PRKN: variants seen among roughly 807,000 people sequenced by gnomAD.
PRKN encodes E3 ubiquitin-protein ligase parkin.
A neutral mutation model predicts 59.5 loss-of-function variants in PRKN; 56 were observed. The ratio of observed to expected loss-of-function variants is 0.94; its 90% CI spans 0.76 to 1.18. The LOEUF is 1.18. Among genes scored for constraint, PRKN ranks in the 50% most tolerant of loss-of-function variants. The pLI is 0.00. For synonymous variants in PRKN, 250 were observed against 222.1 expected (o/e 1.13, Z -1.12); for missense variants, 657 against 596.4 (o/e 1.10, Z -1.06).
rs1441204980 is a variant in PRKN at position 161,393,543 on chromosome 6, T to C, written c.1084-6666A>G. ...GTCAGTGCAGTAGTCATTTGATTGA[T>C]GTTTGAGTTTGCTTTCCCATATTTC... On this transcript the variant is annotated intron_variant, in intron 9 of 11. Transcript: ENST00000366898. The surrounding 1 kb of genome is among the most constrained non-coding windows in gnomAD (Gnocchi z 4.7). Among the ~76,000 whole-genome samples, 1 of 152,124 alleles carries C rather than the reference T, an allele frequency of 6.6e-6. No individual in the cohort carries two copies.
chr6:161,563,996 T>C (rs1445858371), intron 8 of PRKN, among the ~76,000 whole-genome samples: 1 of 152,184 alleles, frequency 6.6e-6, no homozygotes, highest in African/African-American at 2.4e-5. Flanking sequence ...TGAGCTTCAC[T>C]CTCCCTTGTC....
Position 162,717,234 on chromosome 6 carries a change from T to C in PRKN, c.7+10428A>G, listed in dbSNP as rs188624378. 2.6e-5 allele frequency among the ~76,000 whole-genome samples: 4 copies of C among 152,218 alleles called. No homozygotes were observed. The East Asian group carries it at 7.8e-4, about 30-fold the overall frequency. On this transcript the variant is annotated intron_variant, in intron 1 of 11. Transcript: ENST00000366898. The stretch of plus-strand genomic sequence containing the variant: ...AAAGAGGAGTCTCCACAGGAGCTTC[T>C]ATTAATGGAAGGGGCTAGCCCAGCG...
chr6:162,720,514 A>G (rs1049075722), intron 1 of PRKN, among the ~76,000 whole-genome samples: 12 of 139,408 alleles, frequency 8.6e-5, no homozygotes, highest in African/African-American at 2.5e-4. Flanking sequence ...GCAGTGGCGC[A>G]ATCTCGGCTC....
chr6:161,833,122 G>A (rs1206997787), intron 6 of PRKN, among the ~76,000 whole-genome samples: 1 of 152,136 alleles, frequency 6.6e-6, no homozygotes, highest in African/African-American at 2.4e-5. Context: ...CCGGGAGGAA[G>A]GAGACGGAGC....
chr6:162,275,160 T>A (rs1780577105), intron 2 of PRKN: 1 of 152,032 alleles, frequency 6.6e-6, no homozygotes, highest in African/African-American at 2.4e-5. Flanking sequence ...TTGCTGGGAT[T>A]CCTGTAAGGG....
chr6:162,441,796 A>C (rs929357990), intron 2 of PRKN, among the ~76,000 whole-genome samples: 1 of 152,208 alleles, frequency 6.6e-6, no homozygotes, highest in Admixed American at 6.5e-5. Context: ...TATGTTTGCA[A>C]AGTCAATCAT....
At position 161,993,849 on chromosome 6, in the gene PRKN, T is replaced by C. The variant is rs111683562; in HGVS notation, c.619-20432A>G. Reference sequence around the variant, plus strand: ...CAGAAGGCAAAGGAGAAACAGCATGTGCAGAGATCATGTGACATGACAGAA... The same window carrying C: ...CAGAAGGCAAAGGAGAAACAGCATGCGCAGAGATCATGTGACATGACAGAA... On this transcript the variant is annotated intron_variant, in intron 5 of 11. Transcript: ENST00000366898. 3.9e-5 allele frequency among the ~76,000 whole-genome samples: 6 copies of C among 152,302 alleles called. No homozygotes were observed. The South Asian group carries it at 8.3e-4, about 21-fold the overall frequency.
intron 7 of PRKN, among the ~76,000 whole-genome samples, chr6:161,681,941 A>T (rs763890348): frequency 6.6e-6 from 1 of 152,238 alleles, no homozygotes; most frequent in Non-Finnish European, 1.5e-5. Flanking sequence ...TAGACCAGGG[A>T]CCGCCTCCTG....
At chr6:162,505,395 G>A (rs1318143002) in intron 1 of PRKN, among the ~76,000 whole-genome samples, 2 of 152,140 alleles carry the variant, frequency 1.3e-5, no homozygotes, top group African/African-American at 4.8e-5. Flanking sequence ...TTCTCAAAAT[G>A]TTGTTCAGGA....
intron 9 of PRKN, among the ~76,000 whole-genome samples, chr6:161,439,103 C>T (rs1025225514): frequency 3.3e-5 from 5 of 152,192 alleles, no homozygotes; most frequent in South Asian, 2.1e-4. Flanking sequence ...TGACCCTTGT[C>T]ATAGTAACAT....
chr6:162,212,697 T>C (rs911671415), intron 3 of PRKN, among the ~76,000 whole-genome samples: 5 of 152,172 alleles, frequency 3.3e-5, no homozygotes, highest in Admixed American at 6.5e-5. Flanking sequence ...TAGACGATTG[T>C]GGAATTGTGC....
At chr6:161,902,074 G>A (rs1777938467) in intron 6 of PRKN, among the ~76,000 whole-genome samples, 1 of 152,142 alleles carries the variant, frequency 6.6e-6, no homozygotes, top group African/African-American at 2.4e-5. Context: ...CCATTTCACT[G>A]CAATGTTATC....
At chr6:161,733,784 AT>A (rs200593219) in intron 7 of PRKN, among the ~76,000 whole-genome samples, 1,446 of 63,414 alleles carry the variant, frequency 0.023, 18 homozygotes, top group East Asian at 0.079. Flanking sequence ...AAAAAAAAAA[AT>A]ATATATATAT....
intron 1 of PRKN, among the ~76,000 whole-genome samples, chr6:162,503,060 G>GTTTGA (rs1441072367): frequency 6.8e-6 from 1 of 147,116 alleles, no homozygotes; most frequent in Non-Finnish European, 1.5e-5. Flanking sequence ...TCAAATTTAT[G>GTTTGA]TATTAATAAC....
Position 161,526,206 on chromosome 6 carries a change from T to C in PRKN, c.1083+22648A>G, listed in dbSNP as rs79745526. 8.5e-5 allele frequency among the ~76,000 whole-genome samples: 13 copies of C among 152,310 alleles called. No individual in the cohort carries two copies. Among genetic ancestry groups the C allele is most frequent in the Non-Finnish European group, 1.5e-4 (10 of 68,028 alleles). On this transcript the variant is annotated intron_variant, in intron 9 of 11. Transcript: ENST00000366898. The surrounding 1 kb of genome is among the most constrained non-coding windows in gnomAD (Gnocchi z 4.1). ...AACATGAAGTTGCTGAACATGGAGC[T>C]GGAAAAAGATGTGCATAACTGGCTC...
At chr6:161,384,723 A>G (rs1308495619) in intron 10 of PRKN, among the ~76,000 whole-genome samples, 1 of 152,106 alleles carries the variant, frequency 6.6e-6, no homozygotes, top group East Asian at 1.9e-4. Context: ...CTCTGCTGGA[A>G]TGTCCTTTAC....
intron 3 of PRKN, among the ~76,000 whole-genome samples, chr6:162,202,880 G>A (rs1784789249): frequency 6.6e-6 from 1 of 152,124 alleles, no homozygotes; most frequent in African/African-American, 2.4e-5. Context: ...GAAGTGCTTA[G>A]AAGAAGAACC....
chr6:161,811,673 A>G (rs901472885), intron 6 of PRKN, among the ~76,000 whole-genome samples: 23 of 152,206 alleles, frequency 1.5e-4, no homozygotes, highest in African/African-American at 5.3e-4. Context: ...CTGTAATCCC[A>G]GCACTTTGGG....
chr6:162,223,018 C>A (rs557816471), intron 3 of PRKN, among the ~76,000 whole-genome samples: 2 of 134,584 alleles, frequency 1.5e-5, no homozygotes, highest in Admixed American at 7.6e-5. Context: ...CTCCCCCCAC[C>A]GCACAATAGT....
Sources: gnomAD v4.1 joint callset for allele counts (sites outside exome capture counted in the v4.1 genomes callset) on GRCh38, gnomAD v4.1.1 for gene constraint, Gnocchi (gnomAD v3.1) non-coding constraint, MANE v1.5 for transcripts, NCBI Gene and HGNC (gene_info 2026-07-23, HGNC 2026-07-21) for gene names.